KIF13A: variants seen among roughly 807,000 people sequenced by gnomAD.
KIF13A encodes the protein kinesin family member 13A.
Under a neutral mutation model 212.2 loss-of-function variants are expected in KIF13A, and 79 were observed. That is an observed-to-expected ratio of 0.37 (90% CI 0.31 to 0.45). The LOEUF is 0.45. KIF13A is among the 20% of genes least tolerant of loss of function. The pLI, the probability that KIF13A is intolerant of heterozygous loss-of-function variation, is 1.00. For missense variants in KIF13A, 1,901 were observed against 2,209.0 expected (o/e 0.86, Z 2.79); for synonymous variants, 789 against 808.6 (o/e 0.98, Z 0.41).
intron 16 of KIF13A, among the ~76,000 whole-genome samples, chr6:17,824,043 G>T (rs1183865214): frequency 6.6e-6 from 1 of 151,618 alleles, no homozygotes; most frequent in African/African-American, 2.4e-5. Flanking sequence ...GAGTAGCTAG[G>T]ATTACAGCCA....
chr6:17,935,230 A>G (rs1776356914), intron 2 of KIF13A, among the ~76,000 whole-genome samples: 1 of 152,208 alleles, frequency 6.6e-6, no homozygotes, highest in Non-Finnish European at 1.5e-5. Flanking sequence ...CAGACTTGGA[A>G]GAAACACTGT....
In KIF13A at chr6:17,786,729, A is replaced by C. The variant is rs768948931; in HGVS notation, c.3361+1047T>G. Among the ~76,000 whole-genome samples, 1 of 152,202 alleles carries C rather than the reference A, an allele frequency of 6.6e-6. No individual in the cohort carries two copies. The highest frequency in any genetic ancestry group is 1.5e-5 in the Non-Finnish European group (1 of 68,018). On this transcript the variant is annotated intron_variant, in intron 27 of 38. Coordinates refer to ENST00000259711, the MANE Select transcript of KIF13A (RefSeq NM_022113.6). The surrounding 1 kb of genome is among the most constrained non-coding windows in gnomAD (Gnocchi z 5.4). ...TTTGAAATCCTCTTATTCATAATTC[A>C]ACTCTGGGGCTCCCTGGGTACAGTC...
intron 4 of KIF13A, among the ~76,000 whole-genome samples, chr6:17,857,303 A>G (rs1194900712): frequency 6.6e-6 from 1 of 152,086 alleles, no homozygotes; most frequent in Non-Finnish European, 1.5e-5. Flanking sequence ...TGTAATCCCC[A>G]CGTGTCAAGG....
In KIF13A at chr6:17,856,117, C is replaced by G; in HGVS notation, c.226G>C (p.Glu76Gln). 1 of 1,607,908 alleles carries G rather than the reference C, an allele frequency of 6.2e-7. No homozygotes were observed. ...ESNTTKYAGQ[E>Q]VVFKCLGEGI... ...TCCCCAAGGCACTTGAAAACCACTT[C>G]TTGACCTAAAAAACAAGACAAATAT... is the stretch of plus-strand genomic sequence containing the variant. Residue 76 changes from glutamate (E) to glutamine (Q), a missense_variant, in exon 5 of 39, where the codon GAA becomes CAA. This residue lies in a region of KIF13A where 506 missense variants were observed against 637.4 expected (regional missense o/e 0.79). Transcript: ENST00000259711. The surrounding 1 kb of genome is among the most constrained non-coding windows in gnomAD (Gnocchi z 4.5).
rs759046673 is a variant in KIF13A, at chr6:17,987,166, C to A, written c.56-22G>T. The A allele has an allele frequency of 2.2e-5, 35 of 1,586,028 alleles. No individual in the cohort carries two copies. The highest frequency in any genetic ancestry group is 2.9e-5 in the Non-Finnish European group (34 of 1,156,948). ...AGTTCTGAAAGCAGAGAGAAAGGGA[C>A]GTTGCAAAGTCCAGCATCCGCGCCT... is the stretch of plus-strand genomic sequence containing the variant. On this transcript the variant is annotated intron_variant, in intron 1 of 38. Transcript: ENST00000259711. The surrounding 1 kb of genome is among the most constrained non-coding windows in gnomAD (Gnocchi z 7.7).
Position 17,855,352 on chromosome 6 carries a change from C to T in KIF13A, c.494+85G>A, listed in dbSNP as rs758922066. On this transcript the variant is annotated intron_variant, in intron 6 of 38. Coordinates refer to ENST00000259711, the MANE Select transcript of KIF13A (RefSeq NM_022113.6). This position sits in a 1 kb window ranked among gnomAD's most constrained non-coding sequence, Gnocchi z 4.1. ...AGTGTAGTCACCAAGAGCTTAAATA[C>T]GTATATTCACTTCCAATTTTAACTT... 1.1e-4 allele frequency: 112 copies of T among 1,024,580 alleles called. No homozygotes were observed. The highest frequency in any genetic ancestry group is 3.1e-4 in the Middle Eastern group (1 of 3,190). 63.5% of individuals were successfully genotyped at this position (1,024,580 alleles called of 1,614,324 possible). A position where few individuals can be genotyped will look rare whatever the true frequency, so the allele number is the denominator to read the frequency against.
chr6:17,850,506 T>C lies in KIF13A; in HGVS notation c.583-49A>G, dbSNP rs1767533978. 1 of 1,556,382 alleles carries C rather than the reference T, an allele frequency of 6.4e-7. No individual in the cohort carries two copies. Among genetic ancestry groups the C allele is most frequent in the Non-Finnish European group, 8.7e-7 (1 of 1,146,978 alleles). On this transcript the variant is annotated intron_variant, in intron 7 of 38. Coordinates refer to ENST00000259711, the MANE Select transcript of KIF13A (RefSeq NM_022113.6). This position sits in a 1 kb window ranked among gnomAD's most constrained non-coding sequence, Gnocchi z 6.2. ...GACCATAAGCAAAAACACAAGAATG[T>C]AGTCCTGCACACCAGGTATATGTAT...
rs1561950826 is a variant in KIF13A, at chr6:17,771,154, C to T, written c.4541G>A (p.Ser1514Asn). 1.2e-6 allele frequency: 2 copies of T among 1,613,150 alleles called. No homozygotes were observed. The highest frequency in any genetic ancestry group is 2.7e-5 in the African/African-American group (2 of 74,926). The change falls in exon 38 of 39, where the codon AGC becomes AAC. Residue 1514 changes from serine (S) to asparagine (N), a missense_variant. Physicochemically the swap from Ser to Asn is conservative, Grantham distance 46. Transcript: ENST00000259711. This position sits in a 1 kb window ranked among gnomAD's most constrained non-coding sequence, Gnocchi z 5.4. Reference sequence around the variant, plus strand: ...TTTGCTATTGTGTTCTACTGGCATGCTGCTGCCATTGCTTCCTGAGGGTAC... The same window carrying T: ...TTTGCTATTGTGTTCTACTGGCATGTTGCTGCCATTGCTTCCTGAGGGTAC... ...CIVPSGSNGS[S>N]MPVEHNSKRE...
chr6:17,967,085 G>A lies in KIF13A; in HGVS notation c.146+19969C>T, dbSNP rs1779393181. 6.6e-6 allele frequency among the ~76,000 whole-genome samples: 1 copy of A among 152,178 alleles called. No homozygotes were observed. The highest frequency in any genetic ancestry group is 6.5e-5 in the Admixed American group (1 of 15,282). On this transcript the variant is annotated intron_variant, in intron 2 of 38. Coordinates refer to ENST00000259711, the MANE Select transcript of KIF13A (RefSeq NM_022113.6). The surrounding 1 kb of genome is among the most constrained non-coding windows in gnomAD (Gnocchi z 4.1). Reference sequence around the variant, plus strand: ...TTTGGTATTATGCACTTTCTCAGGGGAAAAGTAATCCGAGGAGATAAAAAC... The same window carrying A: ...TTTGGTATTATGCACTTTCTCAGGGAAAAAGTAATCCGAGGAGATAAAAAC...
In KIF13A at chr6:17,829,971, TA is replaced by T. The variant is rs2150370515; in HGVS notation, c.1401+1129del. ...TAGAGATTCAGGTGTGTGGACAGCA[TA>T]TGTAAGCTGCCTTCAAGGCCCCAGG... On this transcript the variant is annotated intron_variant, in intron 13 of 38. Coordinates refer to ENST00000259711, the MANE Select transcript of KIF13A (RefSeq NM_022113.6). The surrounding 1 kb of genome is among the most constrained non-coding windows in gnomAD (Gnocchi z 5.4). 6.6e-6 allele frequency among the ~76,000 whole-genome samples: 1 copy of T among 152,222 alleles called. No homozygotes were observed. The highest frequency in any genetic ancestry group is 2.1e-4 in the South Asian group (1 of 4,822).
intron 2 of KIF13A, among the ~76,000 whole-genome samples, chr6:17,974,943 A>G (rs1403530790): frequency 5.9e-5 from 9 of 152,222 alleles, no homozygotes; most frequent in Admixed American, 5.9e-4. Flanking sequence ...GATATAGCAT[A>G]TTTCCATCAT....
intron 6 of KIF13A, among the ~76,000 whole-genome samples, chr6:17,854,253 C>T (rs909025405): frequency 6.6e-6 from 1 of 151,396 alleles, no homozygotes; most frequent in Non-Finnish European, 1.5e-5. Flanking sequence ...ATTCTCCTGC[C>T]TCAGCCACCT....
rs756620344 is a variant in KIF13A at position 17,771,921 on chromosome 6, A to G, written c.4463T>C (p.Leu1488Pro). 1 of 1,614,018 alleles carries G rather than the reference A, an allele frequency of 6.2e-7. No homozygotes were observed. The highest frequency in any genetic ancestry group is 8.5e-7 in the Non-Finnish European group (1 of 1,179,876). The change falls in exon 37 of 39, where the codon CTT becomes CCT. Residue 1488 changes from leucine to proline, a missense_variant. Around this residue, in one of 5 missense-constraint regions of KIF13A, gnomAD observed 687 missense variants for 759.1 expected, o/e 0.90. Transcript: ENST00000259711. The surrounding 1 kb of genome is among the most constrained non-coding windows in gnomAD (Gnocchi z 5.4). ...TCAAGCATTTACCTCCTGGCTTAGAAGAGGCCTTGCTTCCAGGGCTATCCT... is the reference window on the plus strand; with the variant it reads ...TCAAGCATTTACCTCCTGGCTTAGAGGAGGCCTTGCTTCCAGGGCTATCCT... ...KKRIALEARPLLSQESMPPPQ... is the reference protein window; with the variant it reads ...KKRIALEARPPLSQESMPPPQ...
Position 17,984,645 on chromosome 6 carries a change from A to C in KIF13A, c.146+2409T>G. ...TCACTTGTTTTTACTGGTAAGACTG[A>C]AAACTTTCACCCACTAACCTTCAAT... On this transcript the variant is annotated intron_variant, in intron 2 of 38. Transcript: ENST00000259711. This position sits in a 1 kb window ranked among gnomAD's most constrained non-coding sequence, Gnocchi z 5.0. 1.6e-6 allele frequency: 1 copy of C among 642,982 alleles called. No individual in the cohort carries two copies. The highest frequency in any genetic ancestry group is 1.9e-6 in the Non-Finnish European group (1 of 517,126). 39.8% of individuals were successfully genotyped at this position (642,982 alleles called of 1,614,324 possible).
In KIF13A at chr6:17,796,819, T is replaced by C; in HGVS notation, c.2792A>G (p.Asp931Gly). 4 of 1,510,838 alleles carry C rather than the reference T, an allele frequency of 2.6e-6. No individual in the cohort carries two copies. Among genetic ancestry groups the C allele is most frequent in the Non-Finnish European group, 3.6e-6 (4 of 1,125,016 alleles). The allele number at this position is 1,510,838 out of a possible 1,614,324, so 93.6% of individuals were successfully genotyped here. ...QYTVTFSHCKDYVVNVTEEFL... is the reference protein window; with the variant it reads ...QYTVTFSHCKGYVVNVTEEFL... ...TTCTTCTGTTACATTCACCACATAGTCCTGGGATAAGTGGGGGAAAGCAAA... is the reference window on the plus strand; with the variant it reads ...TTCTTCTGTTACATTCACCACATAGCCCTGGGATAAGTGGGGGAAAGCAAA... Residue 931 changes from aspartate to glycine, a missense_variant and splice_region_variant, in exon 23 of 39, where the codon GAC becomes GGC. By Grantham distance (94) the Asp-to-Gly change is moderately conservative (BLOSUM62 -1). Coordinates refer to ENST00000259711, the MANE Select transcript of KIF13A (RefSeq NM_022113.6).
intron 20 of KIF13A, among the ~76,000 whole-genome samples, chr6:17,803,158 A>G (rs1367459628): frequency 2.0e-5 from 3 of 149,838 alleles, no homozygotes; most frequent in African/African-American, 7.4e-5. Flanking sequence ...CTGGTCTTGA[A>G]CTCCTGACCT....
At chr6:17,831,360 C>T (rs1765433211) in intron 12 of KIF13A, 125 bp from the exon 13 acceptor site, 2 of 1,045,040 alleles carry the variant, frequency 1.9e-6, no homozygotes, top group South Asian at 3.2e-5. Context: ...TGCTACTCTG[C>T]TCAACCACAT....
intron 2 of KIF13A, among the ~76,000 whole-genome samples, chr6:17,901,072 ACT>A (rs1465119544): frequency 5.8e-5 from 7 of 119,978 alleles, no homozygotes; most frequent in Non-Finnish European, 1.0e-4. Flanking sequence ...ACAGAGCAAG[ACT>A]CTGTCTCAAA....
At chr6:17,833,662 C>A (rs1765658865) in intron 12 of KIF13A, among the ~76,000 whole-genome samples, 1 of 151,840 alleles carries the variant, frequency 6.6e-6, no homozygotes, top group Non-Finnish European at 1.5e-5. Flanking sequence ...TTGAGACCAG[C>A]CTGGCCAACA....
Sources: gnomAD v4.1 joint callset for allele counts (sites outside exome capture counted in the v4.1 genomes callset) on GRCh38, gnomAD v4.1.1 for gene constraint, gnomAD v4.1.1 regional missense constraint, Gnocchi (gnomAD v3.1) non-coding constraint, MANE v1.5 for transcripts, NCBI Gene and HGNC (gene_info 2026-07-23, HGNC 2026-07-21) for gene names.